MNDA: variants seen among roughly 807,000 people sequenced by gnomAD.
MNDA encodes the protein myeloid cell nuclear differentiation antigen.
A neutral mutation model predicts 37.8 loss-of-function variants in MNDA; 43 were observed. The ratio of observed to expected loss-of-function variants is 1.14; its 90% CI spans 0.89 to 1.47. MNDA has a LOEUF of 1.47. Among genes scored for constraint, MNDA ranks in the 40% most tolerant of loss-of-function variants. The pLI, the probability that MNDA is intolerant of heterozygous loss-of-function variation, is 0.00. For missense variants in MNDA, 536 were observed against 476.0 expected (o/e 1.13, Z -1.17); for synonymous variants, 181 against 169.0 (o/e 1.07, Z -0.55).
At chr1:158,846,927 A>G (rs1659145746) in intron 5 of MNDA, among the ~76,000 whole-genome samples, 1 of 152,218 alleles carries the variant, frequency 6.6e-6, no homozygotes, top group Admixed American at 6.5e-5. Flanking sequence ...GTATGAATGG[A>G]GGGAGTTAGG....
chr1:158,845,691 C>G lies in MNDA; in HGVS notation c.675C>G (p.Tyr225Ter), dbSNP rs1659119694. The G allele has an allele frequency of 6.2e-7, 1 of 1,614,094 alleles. No homozygotes were observed. Among genetic ancestry groups the G allele is most frequent in the Non-Finnish European group, 8.5e-7 (1 of 1,180,010 alleles). Residue 225 changes from tyrosine (Y) to a stop codon, truncating the protein, a stop_gained, in exon 5 of 7, where the codon TAC becomes TAG. Coordinates refer to ENST00000368141, the MANE Select transcript of MNDA (RefSeq NM_002432.3). LOFTEE classifies it high-confidence loss of function. ...TGAAAGCAACAGCGCCATTTAAATACGAGTCCCCAGAAAATGGGAAAAGCA... is the reference window on the plus strand; with the variant it reads ...TGAAAGCAACAGCGCCATTTAAATAGGAGTCCCCAGAAAATGGGAAAAGCA... Reference protein sequence around the residue: ...VVLKATAPFKYESPENGKSTM... With the variant: ...VVLKATAPFK
chr1:158,845,486 C>G (rs369357568), intron 4 of MNDA, 101 bp from the exon 5 acceptor site: 4 of 1,166,176 alleles, frequency 3.4e-6, no homozygotes, highest in Non-Finnish European at 4.8e-6. Flanking sequence ...GTGATCCACC[C>G]GCCTCGGCTT....
chr1:158,832,307 A>T (rs948939145), intron 1 of MNDA, among the ~76,000 whole-genome samples: 2 of 151,942 alleles, frequency 1.3e-5, no homozygotes, highest in African/African-American at 4.8e-5. Context: ...TAAACGTTGG[A>T]TTCCAAATTC....
chr1:158,834,520 C>T (rs186720674), intron 1 of MNDA, among the ~76,000 whole-genome samples: 252 of 152,220 alleles, frequency 1.7e-3, no homozygotes, highest in Non-Finnish European at 3.1e-3. Flanking sequence ...GGATATAAAG[C>T]ACTCATCAAA....
Position 158,844,072 on chromosome 1 carries a change from C to T in MNDA, c.520C>T (p.Pro174Ser). 6.2e-7 allele frequency: 1 copy of T among 1,613,102 alleles called. No individual in the cohort carries two copies. The highest frequency in any genetic ancestry group is 8.5e-7 in the Non-Finnish European group (1 of 1,179,598). Residue 174 changes from proline (P) to serine (S), a missense_variant, in exon 4 of 7, where the codon CCA becomes TCA. By Grantham distance (74) the Pro-to-Ser change is moderately conservative (BLOSUM62 -1). Transcript: ENST00000368141. Reference sequence around the variant, plus strand: ...CACATCTGCAGCTGTGGATCATCCCCCACTACCCCAGACCTCATCATCAAC... The same window carrying T: ...CACATCTGCAGCTGTGGATCATCCCTCACTACCCCAGACCTCATCATCAAC... The part of the protein sequence containing the change: ...ASTSAAVDHP[P>S]LPQTSSSTPS...
rs1458385511 is a variant in MNDA at position 158,849,380 on chromosome 1, G to A, written c.*143G>A. ...GCATATTAAGAGCTTTTATAACTGA[G>A]TTATAGATTAGTTTGCTTTCTGGAA... On this transcript the variant is annotated 3_prime_UTR_variant, in exon 7 of 7. Coordinates refer to ENST00000368141, the MANE Select transcript of MNDA (RefSeq NM_002432.3). The A allele has an allele frequency of 3.5e-6, 2 of 573,676 alleles. No homozygotes were observed. Among genetic ancestry groups the A allele is most frequent in the East Asian group, 3.4e-5 (1 of 29,402 alleles). The allele number at this position is 573,676 out of a possible 1,614,324, so 35.5% of individuals were successfully genotyped here.
chr1:158,840,226 T>C (rs183286003), intron 1 of MNDA, among the ~76,000 whole-genome samples: 1 of 152,262 alleles, frequency 6.6e-6, no homozygotes, highest in Admixed American at 6.5e-5. Flanking sequence ...AGATTAAAAA[T>C]AGCCACTGTA....
chr1:158,832,066 T>C (rs945437262), intron 1 of MNDA, among the ~76,000 whole-genome samples: 1 of 152,190 alleles, frequency 6.6e-6, no homozygotes, highest in Admixed American at 6.5e-5. Context: ...TTTTCATGAA[T>C]CAGTTTCATT....
intron 5 of MNDA, among the ~76,000 whole-genome samples, chr1:158,846,506 A>G (rs1016229115): frequency 3.9e-5 from 6 of 152,378 alleles, no homozygotes; most frequent in South Asian, 2.1e-4. Flanking sequence ...TGCTTAGATC[A>G]GTTGCCCTTC....
At chr1:158,846,827 C>T (rs11265086) in intron 5 of MNDA, among the ~76,000 whole-genome samples, 2,833 of 152,284 alleles carry the variant, frequency 0.019, 84 homozygotes, top group African/African-American at 0.062. Context: ...TTTACCTCCA[C>T]ATTTTCTCAC....
chr1:158,836,715 A>G (rs1248078362), intron 1 of MNDA, among the ~76,000 whole-genome samples: 2 of 150,962 alleles, frequency 1.3e-5, no homozygotes, highest in African/African-American at 4.9e-5. Context: ...TCTAATCTCA[A>G]TTTTACCTCT....
chr1:158,833,071 T>C (rs1658837273), intron 1 of MNDA, among the ~76,000 whole-genome samples: 1 of 152,136 alleles, frequency 6.6e-6, no homozygotes, highest in Non-Finnish European at 1.5e-5. Flanking sequence ...CCCCCAAACA[T>C]ACAACTTCAC....
chr1:158,832,724 GTCTT>G (rs1221049467), intron 1 of MNDA, among the ~76,000 whole-genome samples: 2 of 151,796 alleles, frequency 1.3e-5, no homozygotes, highest in African/African-American at 4.8e-5. Flanking sequence ...TTCCTAAAAA[GTCTT>G]TCTTTAAGTT....
At position 158,844,051 on chromosome 1, in the gene MNDA, T is replaced by A. The variant is rs753268940; in HGVS notation, c.499T>A (p.Ser167Thr). The change falls in exon 4 of 7, where the codon TCT becomes ACT. Residue 167 changes from serine to threonine, a missense_variant. By Grantham distance (58) the Ser-to-Thr change is moderately conservative. Transcript: ENST00000368141. ...KPPGPSGAST[S>T]AAVDHPPLPQ... ...CCCAGGTCCCTCAGGAGCCAGCACA[T>A]CTGCAGCTGTGGATCATCCCCCACT... is the stretch of plus-strand genomic sequence containing the variant. 6.2e-7 allele frequency: 1 copy of A among 1,613,802 alleles called. No individual in the cohort carries two copies. The highest frequency in any genetic ancestry group is 1.7e-5 in the Admixed American group (1 of 59,952).
At chr1:158,839,977 T>G (rs988978231) in intron 1 of MNDA, among the ~76,000 whole-genome samples, 2 of 152,186 alleles carry the variant, frequency 1.3e-5, no homozygotes, top group Non-Finnish European at 2.9e-5. Flanking sequence ...AATTTTAGTT[T>G]GAAAAATATT....
In MNDA at chr1:158,833,807, A is replaced by C. The variant is rs138970454; in HGVS notation, c.-21+2250A>C. ...TTCTGTTGTGATTAATGCTGCAATG[A>C]ACATATATGTACATGCATTTATTTG... On this transcript the variant is annotated intron_variant, in intron 1 of 6. Coordinates refer to ENST00000368141, the MANE Select transcript of MNDA (RefSeq NM_002432.3). 5.1e-3 allele frequency among the ~76,000 whole-genome samples: 774 copies of C among 152,326 alleles called. 4 individuals carry two copies. Among genetic ancestry groups the C allele is most frequent in the African/African-American group, 0.018 (744 of 41,576 alleles).
intron 1 of MNDA, among the ~76,000 whole-genome samples, chr1:158,838,268 A>T (rs1291211648): frequency 3.3e-5 from 5 of 151,954 alleles, no homozygotes; most frequent in African/African-American, 1.2e-4. Context: ...TTTAAGGTAG[A>T]TATAGTGGTA....
chr1:158,846,066 C>A (rs1275538744), intron 5 of MNDA, 63 bp downstream of exon 5: 5 of 1,408,120 alleles, frequency 3.6e-6, no homozygotes, highest in Middle Eastern at 2.3e-4. Flanking sequence ...TCTTAATTTG[C>A]CAGACTTACT....
At chr1:158,839,018 C>G (rs541782098) in intron 1 of MNDA, among the ~76,000 whole-genome samples, 5 of 152,166 alleles carry the variant, frequency 3.3e-5, no homozygotes, top group African/African-American at 1.2e-4. Flanking sequence ...TCCTTTAACT[C>G]ATTTATCATA....
Sources: allele counts gnomAD v4.1 joint callset (sites outside exome capture counted in the v4.1 genomes callset), GRCh38; gene constraint gnomAD v4.1.1; transcripts MANE v1.5; gene names NCBI Gene and HGNC (gene_info 2026-07-23, HGNC 2026-07-21).